CNTNAP5: variants seen among roughly 807,000 people sequenced by gnomAD.
CNTNAP5 encodes contactin associated protein family member 5.
Under a neutral mutation model 150.2 loss-of-function variants are expected in CNTNAP5, and 72 were observed. That is an observed-to-expected ratio of 0.48 (90% CI 0.40 to 0.58). CNTNAP5 has a LOEUF of 0.58. Ranked by LOEUF, CNTNAP5 falls within the 20% of genes least tolerant of loss-of-function variation. CNTNAP5 has a pLI of 0.00. For synonymous variants in CNTNAP5, 672 were observed against 619.8 expected, an observed-to-expected ratio of 1.08 and a Z score of -1.25; for missense variants, 1,636 against 1,626.2, an observed-to-expected ratio of 1.01 and a Z score of -0.10.
chr2:124,348,107 A>G (rs1466053669), intron 3 of CNTNAP5, among the ~76,000 whole-genome samples: 1 of 152,054 alleles, frequency 6.6e-6, no homozygotes, highest in African/African-American at 2.4e-5. Context: ...TTTTACCCAC[A>G]ATAGTACTCA....
At chr2:124,305,111 C>CAAAAAAAAAAAAAAAAA (rs57896748) in intron 3 of CNTNAP5, among the ~76,000 whole-genome samples, 1 of 86,406 alleles carries the variant, frequency 1.2e-5, no homozygotes, top group African/African-American at 4.3e-5. Flanking sequence ...ACAAAAAATA[C>CAAAAAAAAAAAAAAAAA]AAAAAAAAAA....
chr2:124,684,031 T>G (rs1456475991), intron 13 of CNTNAP5, among the ~76,000 whole-genome samples: 1 of 152,304 alleles, frequency 6.6e-6, no homozygotes, highest in East Asian at 1.9e-4. Context: ...AGGATAAGGT[T>G]TATCTTCCAT....
chr2:124,547,174 T>C (rs1695531351), intron 10 of CNTNAP5, among the ~76,000 whole-genome samples: 1 of 152,078 alleles, frequency 6.6e-6, no homozygotes, highest in Non-Finnish European at 1.5e-5. Context: ...GCAGATTCCC[T>C]GGCAGGCTTT....
intron 3 of CNTNAP5, among the ~76,000 whole-genome samples, chr2:124,289,694 A>G (rs915857270): frequency 6.6e-6 from 1 of 152,220 alleles, no homozygotes. Flanking sequence ...ATATATTGCC[A>G]TCATTTTACA....
intron 6 of CNTNAP5, among the ~76,000 whole-genome samples, chr2:124,447,978 A>ATT (rs1200965671): frequency 6.6e-6 from 1 of 152,110 alleles, no homozygotes; most frequent in Non-Finnish European, 1.5e-5. Context: ...CATTATTAAA[A>ATT]ATTAAGTTGG....
chr2:124,408,827 T>G (rs1029012551), intron 3 of CNTNAP5, among the ~76,000 whole-genome samples: 38 of 152,092 alleles, frequency 2.5e-4, no homozygotes, highest in Admixed American at 7.9e-4. Context: ...AATGCAGAGC[T>G]CCTCTCCTCC....
intron 19 of CNTNAP5, among the ~76,000 whole-genome samples, chr2:124,804,685 G>A (rs1461661624): frequency 1.3e-5 from 2 of 152,120 alleles, no homozygotes; most frequent in East Asian, 1.9e-4. Context: ...GCCCTCAACA[G>A]GGACCGAGTC....
At chr2:124,462,711 G>A (rs184411156) in intron 6 of CNTNAP5, among the ~76,000 whole-genome samples, 30 of 152,274 alleles carry the variant, frequency 2.0e-4, no homozygotes, top group African/African-American at 6.5e-4. Flanking sequence ...GCCCCTCTAG[G>A]GTGTTTGTAA....
intron 1 of CNTNAP5, among the ~76,000 whole-genome samples, chr2:124,056,993 T>C (rs930443951): frequency 3.3e-5 from 5 of 152,192 alleles, no homozygotes; most frequent in African/African-American, 1.2e-4. Flanking sequence ...TATTTTTTAA[T>C]GTTTTTTACT....
intron 12 of CNTNAP5, among the ~76,000 whole-genome samples, chr2:124,620,191 G>A (rs1425721108): frequency 6.6e-6 from 1 of 152,050 alleles, no homozygotes; most frequent in African/African-American, 2.4e-5. Context: ...TGAGTCTAGT[G>A]TAAATTGAAC....
chr2:124,386,192 C>A (rs973647123), intron 3 of CNTNAP5, among the ~76,000 whole-genome samples: 4 of 152,150 alleles, frequency 2.6e-5, no homozygotes, highest in African/African-American at 9.7e-5. Flanking sequence ...CGCAGAATCA[C>A]CTAAGGCTGA....
At chr2:124,808,094 A>G (rs568900321) in intron 19 of CNTNAP5, among the ~76,000 whole-genome samples, 263 of 152,292 alleles carry the variant, frequency 1.7e-3, no homozygotes, top group African/African-American at 6.0e-3. Context: ...CCCACCAGCC[A>G]AATCCCACAG....
chr2:124,264,567 T>C (rs1049919550), intron 3 of CNTNAP5, among the ~76,000 whole-genome samples: 3 of 152,140 alleles, frequency 2.0e-5, no homozygotes, highest in Non-Finnish European at 4.4e-5. Flanking sequence ...TCCAGAATCA[T>C]GTCTGAGGGA....
chr2:124,822,480 C>T (rs1006683855), intron 19 of CNTNAP5, among the ~76,000 whole-genome samples: 1 of 152,292 alleles, frequency 6.6e-6, no homozygotes, highest in Admixed American at 6.5e-5. Flanking sequence ...ATTGCCTTTG[C>T]ATGAGTTGTT....
At chr2:124,834,712 C>T (rs1682792810) in intron 19 of CNTNAP5, among the ~76,000 whole-genome samples, 1 of 151,868 alleles carries the variant, frequency 6.6e-6, no homozygotes, top group Non-Finnish European at 1.5e-5. Context: ...GAGGGTGCTG[C>T]TTACCTGTCT....
intron 3 of CNTNAP5, among the ~76,000 whole-genome samples, chr2:124,276,299 C>T (rs1168439219): frequency 6.6e-6 from 1 of 152,138 alleles, no homozygotes; most frequent in Non-Finnish European, 1.5e-5. Context: ...ATATCAGGCA[C>T]ACTTCAAATA....
rs1241590854 is a variant in CNTNAP5 at position 124,704,148 on chromosome 2, G to A, written c.2078-43081G>A. ...TATTCTTTATGAAGATAACATACCG[G>A]ATTTAAATCTGTACTCCAAAGATTG... On this transcript the variant is annotated intron_variant, in intron 13 of 23. Coordinates refer to ENST00000682447, the MANE Select transcript of CNTNAP5 (RefSeq NM_001367498.1). 9.2e-5 allele frequency among the ~76,000 whole-genome samples: 14 copies of A among 152,250 alleles called. No individual in the cohort carries two copies. The South Asian group carries it at 2.7e-3, about 29-fold the overall frequency.
At chr2:124,806,527 A>G (rs909907281) in intron 19 of CNTNAP5, among the ~76,000 whole-genome samples, 8 of 152,148 alleles carry the variant, frequency 5.3e-5, no homozygotes, top group African/African-American at 1.7e-4. Context: ...CTACGTTCTC[A>G]CAGCCTCTGG....
intron 1 of CNTNAP5, among the ~76,000 whole-genome samples, chr2:124,217,278 C>T (rs1007867842): frequency 6.6e-6 from 1 of 151,982 alleles, no homozygotes; most frequent in Non-Finnish European, 1.5e-5. Flanking sequence ...GTTTCTTCAC[C>T]CCTTCTTCTT....
Sources: allele counts gnomAD v4.1 joint callset (sites outside exome capture counted in the v4.1 genomes callset), GRCh38; gene constraint gnomAD v4.1.1; transcripts MANE v1.5; gene names NCBI Gene and HGNC (gene_info 2026-07-23, HGNC 2026-07-21).